Variants in CSMD1 observed in about 807,000 individuals in gnomAD.
The protein encoded by CSMD1 is CUB and sushi domain-containing protein 1.
CSMD1 carries 213 observed loss-of-function variants against 417.5 expected under a neutral mutation model. That is an observed-to-expected ratio of 0.51 (90% CI 0.46 to 0.57). The LOEUF (loss-of-function observed/expected upper bound fraction) is 0.57, where lower values mean the gene tolerates loss of function less well. CSMD1 is among the 20% of genes least tolerant of loss of function. The pLI is 0.00. For synonymous variants in CSMD1, 2,862 were observed against 1,736.8 expected (o/e 1.65, Z -16.11); for missense variants, 6,923 against 4,529.7 (o/e 1.53, Z -15.17).
At chr8:4,320,534 G>A (rs979897665) in intron 3 of CSMD1, among the ~76,000 whole-genome samples, 15 of 151,818 alleles carry the variant, frequency 9.9e-5, no homozygotes, top group Admixed American at 2.0e-4. Flanking sequence ...ACAGGCCCCA[G>A]TGGGTGATGT....
intron 6 of CSMD1, among the ~76,000 whole-genome samples, chr8:3,717,415 T>C (rs1372082914): frequency 7.3e-6 from 1 of 137,086 alleles, no homozygotes; most frequent in Non-Finnish European, 1.6e-5. Context: ...GTTTTTCTTT[T>C]CCATGAAATG....
chr8:3,920,878 G>A (rs75063401), intron 5 of CSMD1, among the ~76,000 whole-genome samples: 1,918 of 152,170 alleles, frequency 0.013, 49 homozygotes, highest in African/African-American at 0.043. Flanking sequence ...TTTTGCTAGT[G>A]TTTTGTTGAG....
At chr8:3,789,670 CATGT>C (rs1229800752) in intron 5 of CSMD1, among the ~76,000 whole-genome samples, 1 of 150,396 alleles carries the variant, frequency 6.6e-6, no homozygotes, top group Non-Finnish European at 1.5e-5. Flanking sequence ...CTTAATGAGA[CATGT>C]ATGACCTTGT....
At chr8:3,047,349 A>G (rs891403686) in intron 50 of CSMD1, among the ~76,000 whole-genome samples, 1 of 151,198 alleles carries the variant, frequency 6.6e-6, no homozygotes, top group African/African-American at 2.4e-5. Context: ...TACATCCGTT[A>G]TTCTTTTCCG....
intron 3 of CSMD1, among the ~76,000 whole-genome samples, chr8:4,169,647 G>A (rs1797653524): frequency 6.6e-6 from 1 of 152,240 alleles, no homozygotes; most frequent in Admixed American, 6.5e-5. Context: ...CTGCAGGGAC[G>A]CCATGAGAGC....
intron 3 of CSMD1, among the ~76,000 whole-genome samples, chr8:4,051,375 C>A (rs894018525): frequency 1.3e-5 from 2 of 151,710 alleles, no homozygotes; most frequent in East Asian, 1.9e-4. Flanking sequence ...TTGGCATGAT[C>A]CCGGAGGGCT....
intron 26 of CSMD1, among the ~76,000 whole-genome samples, chr8:3,258,889 G>T (rs1334775923): frequency 6.6e-6 from 1 of 152,152 alleles, no homozygotes; most frequent in Non-Finnish European, 1.5e-5. Flanking sequence ...GGAGCTAAAC[G>T]ATGAGAACAC....
chr8:3,820,898 C>G (rs556155411), intron 5 of CSMD1, among the ~76,000 whole-genome samples: 2 of 151,954 alleles, frequency 1.3e-5, no homozygotes, highest in South Asian at 4.2e-4. Flanking sequence ...CCTTAAGGAC[C>G]TGCCTGAGGG....
chr8:3,166,520 C>A (rs143956506), intron 37 of CSMD1, among the ~76,000 whole-genome samples: 2 of 151,928 alleles, frequency 1.3e-5, no homozygotes, highest in Non-Finnish European at 2.9e-5. Context: ...GGCAACAGAG[C>A]GAGACTCCAT....
At chr8:4,444,332 G>C (rs893318916) in intron 2 of CSMD1, among the ~76,000 whole-genome samples, 4 of 106,634 alleles carry the variant, frequency 3.8e-5, no homozygotes, top group Non-Finnish European at 6.9e-5. Flanking sequence ...GGGCTACAGA[G>C]TGAGACTCCA....
chr8:4,058,976 C>G (rs1388326966), intron 3 of CSMD1, among the ~76,000 whole-genome samples: 4 of 151,898 alleles, frequency 2.6e-5, no homozygotes, highest in Admixed American at 2.0e-4. Flanking sequence ...CACCCCAAAT[C>G]AACACAACAC....
At chr8:3,783,927 A>G (rs923696009) in intron 5 of CSMD1, among the ~76,000 whole-genome samples, 1 of 152,036 alleles carries the variant, frequency 6.6e-6, no homozygotes, top group African/African-American at 2.4e-5. Context: ...TGCAGTTTGA[A>G]TACCCCAGCT....
intron 3 of CSMD1, among the ~76,000 whole-genome samples, chr8:4,095,346 T>C (rs1800947943): frequency 6.6e-6 from 1 of 152,220 alleles, no homozygotes; most frequent in Non-Finnish European, 1.5e-5. Flanking sequence ...GCTTCCTGCA[T>C]TGCCTGGTTG....
chr8:3,838,523 C>G (rs978928348), intron 5 of CSMD1, among the ~76,000 whole-genome samples: 7 of 97,256 alleles, frequency 7.2e-5, no homozygotes, highest in African/African-American at 3.3e-4. Context: ...TATAATATAG[C>G]CTATATATAT....
At chr8:3,111,230 G>C (rs938613963) in intron 42 of CSMD1, among the ~76,000 whole-genome samples, 1 of 152,112 alleles carries the variant, frequency 6.6e-6, no homozygotes, top group Non-Finnish European at 1.5e-5. Flanking sequence ...AAAAAGAAAA[G>C]TTTAGTAACA....
At chr8:3,140,661 T>C (rs1315552060) in intron 41 of CSMD1, among the ~76,000 whole-genome samples, 2 of 151,388 alleles carry the variant, frequency 1.3e-5, no homozygotes, top group Non-Finnish European at 2.9e-5. Flanking sequence ...CTTTCAGTAA[T>C]AAATATCAAA....
chr8:4,297,074 G>A (rs1247522751), intron 3 of CSMD1, among the ~76,000 whole-genome samples: 2 of 82,906 alleles, frequency 2.4e-5, no homozygotes, highest in Non-Finnish European at 4.7e-5. Flanking sequence ...GGTTAGATAG[G>A]TTGAAGAGCT....
At chr8:3,464,378 A>G (rs117736446) in intron 12 of CSMD1, among the ~76,000 whole-genome samples, 1,631 of 152,258 alleles carry the variant, frequency 0.011, 9 homozygotes, top group Non-Finnish European at 0.018. Flanking sequence ...TGCAGTGGTT[A>G]TGAGGGAACC....
intron 3 of CSMD1, among the ~76,000 whole-genome samples, chr8:4,389,248 A>T (rs899025374): frequency 6.6e-6 from 1 of 152,178 alleles, no homozygotes; most frequent in South Asian, 2.1e-4. Flanking sequence ...TTTGGGTCAT[A>T]TATTAAGCAT....
Sources: allele counts gnomAD v4.1 joint callset (sites outside exome capture counted in the v4.1 genomes callset), GRCh38; gene constraint gnomAD v4.1.1; transcripts MANE v1.5; gene names NCBI Gene and HGNC (gene_info 2026-07-23, HGNC 2026-07-21).